The following TLN2 variants were observed in gnomAD, a reference collection of about 807,000 sequenced individuals.
TLN2 encodes talin 2, also known as talin-2.
In TLN2, 118 loss-of-function variants were observed where a neutral mutation model predicts 294.7. The observed-to-expected ratio is 0.40, with a 90% confidence interval of 0.34 to 0.47. The LOEUF (loss-of-function observed/expected upper bound fraction) is 0.47. Ranked by LOEUF, TLN2 falls within the 20% of genes least tolerant of loss-of-function variation. The probability of loss-of-function intolerance (pLI) is 0.84; values close to 1 mark genes in which losing one functional copy is unlikely to be tolerated. For synonymous variants in TLN2, 1,431 were observed against 1,304.5 expected (o/e 1.10, Z -2.09); for missense variants, 3,083 against 3,282.2 (o/e 0.94, Z 1.48).
At chr15:62,575,257 C>T (rs1202033147) in intron 1 of TLN2, among the ~76,000 whole-genome samples, 7 of 152,102 alleles carry the variant, frequency 4.6e-5, no homozygotes, top group Non-Finnish European at 8.8e-5. Flanking sequence ...GAGGTTGAGC[C>T]TGTAGTGAGC....
intron 1 of TLN2, among the ~76,000 whole-genome samples, chr15:62,407,072 A>C (rs1254746857): frequency 6.6e-6 from 1 of 152,132 alleles, no homozygotes; most frequent in Non-Finnish European, 1.5e-5. Context: ...TTTAGAGGCC[A>C]AGGGACCCTA....
chr15:62,629,912 T>G (rs1260441146), intron 3 of TLN2, among the ~76,000 whole-genome samples: 1 of 152,214 alleles, frequency 6.6e-6, no homozygotes, highest in Non-Finnish European at 1.5e-5. Context: ...CATGAGCATT[T>G]TAAAGGTAAT....
chr15:62,491,343 T>G (rs1436925817), intron 1 of TLN2, among the ~76,000 whole-genome samples: 90 of 113,584 alleles, frequency 7.9e-4, no homozygotes, highest in African/African-American at 2.9e-3. Context: ...AAAAAATATA[T>G]ATATATATAC....
intron 1 of TLN2, among the ~76,000 whole-genome samples, chr15:62,476,708 C>A (rs941538596): frequency 3.9e-5 from 6 of 152,224 alleles, no homozygotes; most frequent in South Asian, 2.1e-4. Flanking sequence ...TGACCACTTT[C>A]CTCTCTTTCA....
At chr15:62,620,149 A>T (rs1000222464) in intron 3 of TLN2, among the ~76,000 whole-genome samples, 2 of 151,424 alleles carry the variant, frequency 1.3e-5, no homozygotes, top group Non-Finnish European at 2.9e-5. Flanking sequence ...TATTTTTTTT[A>T]TTTTTATTTT....
intron 54 of TLN2, among the ~76,000 whole-genome samples, chr15:62,825,782 T>TAATATA (rs1190689676): frequency 5.5e-5 from 1 of 18,042 alleles, no homozygotes; most frequent in African/African-American, 1.5e-4. Flanking sequence ...ATATAATATA[T>TAATATA]TATATATTAT....
intron 1 of TLN2, among the ~76,000 whole-genome samples, chr15:62,495,433 GA>G (rs1412533802): frequency 1.3e-5 from 2 of 152,192 alleles, no homozygotes. Context: ...CCAATCTTAG[GA>G]AAGCCTCTCA....
At chr15:62,705,538 A>G (rs756080324) in intron 19 of TLN2, among the ~76,000 whole-genome samples, 2 of 152,186 alleles carry the variant, frequency 1.3e-5, no homozygotes, top group Non-Finnish European at 2.9e-5. Context: ...GGATTTCTTT[A>G]AACAATTCTA....
chr15:62,458,084 G>A (rs1030819344), intron 1 of TLN2, among the ~76,000 whole-genome samples: 1 of 152,168 alleles, frequency 6.6e-6, no homozygotes, highest in African/African-American at 2.4e-5. Flanking sequence ...CCCTTTCCTG[G>A]GATTCTGAAG....
intron 1 of TLN2, among the ~76,000 whole-genome samples, chr15:62,560,115 G>A (rs766799051): frequency 6.6e-6 from 1 of 152,204 alleles, no homozygotes. Flanking sequence ...GGAAGGTAGG[G>A]CAGGTCCCTG....
intron 58 of TLN2, 35 bp downstream of exon 58, chr15:62,839,016 CGA>C (rs1489479017): frequency 2.4e-5 from 39 of 1,600,260 alleles, no homozygotes; most frequent in Admixed American, 5.1e-5. Flanking sequence ...ATTTACTTCC[CGA>C]GAGAGGTGTT....
rs547953800 is a variant in TLN2, at chr15:62,526,379, T to C, written c.-237-63308T>C. 6.6e-4 allele frequency among the ~76,000 whole-genome samples: 100 copies of C among 152,330 alleles called. 1 individual carries two copies. In the South Asian group the frequency reaches 0.014, roughly 21 times the overall value. ...TCCTTTCTAATGGTAATTAAAACAT[T>C]GGTACACTTCCTCTGAATGAAACCA... On this transcript the variant is annotated intron_variant, in intron 1 of 58. Transcript: ENST00000636159.
chr15:62,506,103 T>A (rs935246412), intron 1 of TLN2, among the ~76,000 whole-genome samples: 7 of 152,172 alleles, frequency 4.6e-5, no homozygotes, highest in African/African-American at 1.2e-4. Context: ...ATTCTGGGAG[T>A]ACAAGTTTCC....
intron 3 of TLN2, chr15:62,640,018 G>T (rs2050833195): frequency 7.4e-5 from 29 of 393,532 alleles, no homozygotes; most frequent in South Asian, 5.5e-4. Context: ...CCTGCTCAGT[G>T]CCTGGAGTCT....
intron 42 of TLN2, among the ~76,000 whole-genome samples, chr15:62,773,966 G>A (rs2063521412): frequency 6.6e-6 from 1 of 152,048 alleles, no homozygotes; most frequent in South Asian, 2.1e-4. Flanking sequence ...ACTCCATTGA[G>A]CTCTTCTGCG....
Position 62,835,864 on chromosome 15 carries a change from G to A in TLN2, c.7192-27G>A, listed in dbSNP as rs767514669. 3.7e-6 allele frequency: 6 copies of A among 1,614,074 alleles called. No individual in the cohort carries two copies. The African/African-American group carries it at 6.7e-5, about 18-fold the overall frequency. On this transcript the variant is annotated intron_variant, in intron 56 of 58. Transcript: ENST00000636159. ...TCCCCTGAGGGAGGTTTGGGCCTTG[G>A]GTCACTTCTCCGTTGACTGTCCCCA...
At chr15:62,529,283 A>G (rs2040908563) in intron 1 of TLN2, among the ~76,000 whole-genome samples, 1 of 152,046 alleles carries the variant, frequency 6.6e-6, no homozygotes, top group Non-Finnish European at 1.5e-5. Flanking sequence ...TTTTTTGTAG[A>G]GACCGGGTCT....
chr15:62,833,979 C>T (rs530841037), intron 55 of TLN2: 10 of 170,614 alleles, frequency 5.9e-5, no homozygotes, highest in East Asian at 4.7e-4. Context: ...CCGCATTCGG[C>T]GGCTTTTATG....
chr15:62,456,042 G>T (rs2036458160), intron 1 of TLN2, among the ~76,000 whole-genome samples: 1 of 151,008 alleles, frequency 6.6e-6, no homozygotes. Context: ...CTATTAACCT[G>T]CTGGGTGACA....
Sources: allele counts gnomAD v4.1 joint callset (sites outside exome capture counted in the v4.1 genomes callset), GRCh38; gene constraint gnomAD v4.1.1; transcripts MANE v1.5; gene names NCBI Gene and HGNC (gene_info 2026-07-23, HGNC 2026-07-21).